Variants in NRXN1 observed in about 807,000 individuals in gnomAD.
NRXN1 encodes neurexin 1, also known as neurexin-1.
A neutral mutation model predicts 150.9 loss-of-function variants in NRXN1; 39 were observed. The ratio of observed to expected loss-of-function variants is 0.26; its 90% CI spans 0.20 to 0.34. The LOEUF (loss-of-function observed/expected upper bound fraction) is 0.34, where lower values mean the gene tolerates loss of function less well. Ranked by LOEUF, NRXN1 falls within the 10% of genes least tolerant of loss-of-function variation. NRXN1 has a pLI of 1.00. For missense variants in NRXN1, 1,815 were observed against 1,949.9 expected, an observed-to-expected ratio of 0.93 and a Z score of 1.30; for synonymous variants, 924 against 757.0, an observed-to-expected ratio of 1.22 and a Z score of -3.62.
intron 17 of NRXN1, among the ~76,000 whole-genome samples, chr2:50,364,011 G>A (rs1322772195): frequency 6.6e-6 from 1 of 152,088 alleles, no homozygotes; most frequent in Non-Finnish European, 1.5e-5. Flanking sequence ...AACACTGCAT[G>A]TTCTCACTCA....
rs1574657558 is a variant in NRXN1, at chr2:50,236,844, A to G, written c.3491T>C (p.Val1164Ala). Residue 1164 changes from valine to alanine, a missense_variant, in exon 18 of 23, where the codon GTA becomes GCA. Physicochemically the swap from Val to Ala is moderately conservative, Grantham distance 64. Coordinates refer to ENST00000401669, the MANE Select transcript of NRXN1 (RefSeq NM_001330078.2). ...TGAAGAACTGTCCACTCGCACCAAT[A>G]CGGCTTCTTTCTGAACAGTGCTAAA... ...IGFSTVQKEA[V>A]LVRVDSSSGL... The G allele has an allele frequency of 6.2e-7, 1 of 1,613,270 alleles. No homozygotes were observed. Among genetic ancestry groups the G allele is most frequent in the East Asian group, 2.2e-5 (1 of 44,728 alleles).
chr2:50,627,100 G>A (rs1008706599), intron 5 of NRXN1, among the ~76,000 whole-genome samples: 1 of 151,750 alleles, frequency 6.6e-6, no homozygotes, highest in African/African-American at 2.4e-5. Flanking sequence ...TCCACATTTT[G>A]CCAAGGCTAC....
intron 17 of NRXN1, among the ~76,000 whole-genome samples, chr2:50,272,643 G>A (rs2069851884): frequency 6.6e-6 from 1 of 151,964 alleles, no homozygotes; most frequent in South Asian, 2.1e-4. Context: ...ATAAAACTAT[G>A]GCATAAATAA....
At chr2:50,227,090 C>T (rs976579555) in intron 18 of NRXN1, among the ~76,000 whole-genome samples, 1 of 150,684 alleles carries the variant, frequency 6.6e-6, no homozygotes, top group Non-Finnish European at 1.5e-5. Flanking sequence ...AGTTTAAATA[C>T]TTTAACCTAA....
intron 11 of NRXN1, among the ~76,000 whole-genome samples, chr2:50,529,321 C>A (rs186091207): frequency 6.6e-6 from 1 of 152,146 alleles, no homozygotes; most frequent in Admixed American, 6.6e-5. Flanking sequence ...GGCACACAAG[C>A]CTATGCCTCT....
chr2:50,031,027 T>G (rs956501817), intron 21 of NRXN1, among the ~76,000 whole-genome samples: 1 of 152,026 alleles, frequency 6.6e-6, no homozygotes, highest in Non-Finnish European at 1.5e-5. Flanking sequence ...GGCTCATAAT[T>G]TTAAAGCACT....
At chr2:50,495,399 G>A (rs2091531034) in intron 15 of NRXN1, among the ~76,000 whole-genome samples, 1 of 118,620 alleles carries the variant, frequency 8.4e-6, no homozygotes, top group South Asian at 2.8e-4. Context: ...GTGTGTGTGT[G>A]TGTGTGTGTG....
At chr2:50,886,581 A>G (rs948084393) in intron 5 of NRXN1, among the ~76,000 whole-genome samples, 2 of 151,454 alleles carry the variant, frequency 1.3e-5, no homozygotes, top group Non-Finnish European at 3.0e-5. Flanking sequence ...TTTGAAGGCC[A>G]AAGGGAAGTT....
chr2:50,094,072 A>G (rs780462068), intron 18 of NRXN1, among the ~76,000 whole-genome samples: 17 of 152,228 alleles, frequency 1.1e-4, no homozygotes, highest in African/African-American at 1.7e-4. Flanking sequence ...GTATCAATCA[A>G]TGTATGTTTA....
intron 17 of NRXN1, among the ~76,000 whole-genome samples, chr2:50,285,429 C>A (rs934079082): frequency 5.3e-5 from 8 of 152,148 alleles, no homozygotes; most frequent in African/African-American, 1.7e-4. Context: ...ACCCCCCACA[C>A]ACACTCACTC....
chr2:49,974,303 A>C, intron 21 of NRXN1: 1 of 524,978 alleles, frequency 1.9e-6, no homozygotes, highest in Non-Finnish European at 3.6e-6. Context: ...CTGTTGGTAC[A>C]CAGCCCAGCC....
chr2:50,086,083 C>T (rs1036725246), intron 19 of NRXN1, among the ~76,000 whole-genome samples: 2 of 152,092 alleles, frequency 1.3e-5, no homozygotes, highest in Non-Finnish European at 2.9e-5. Context: ...AATAGAAGAA[C>T]GTTGAAGTTC....
intron 5 of NRXN1, among the ~76,000 whole-genome samples, chr2:50,842,891 C>G (rs1673079996): frequency 1.3e-5 from 2 of 152,056 alleles, no homozygotes; most frequent in Admixed American, 1.3e-4. Context: ...TGTAATTGTT[C>G]TAGTCTTAAG....
chr2:50,105,954 G>A (rs2152717359), intron 18 of NRXN1, among the ~76,000 whole-genome samples: 1 of 151,790 alleles, frequency 6.6e-6, no homozygotes, highest in African/African-American at 2.4e-5. Context: ...TATAAAATAT[G>A]AATTGATCCA....
chr2:50,624,503 A>T (rs758102143), intron 5 of NRXN1, among the ~76,000 whole-genome samples: 20 of 152,134 alleles, frequency 1.3e-4, no homozygotes, highest in Non-Finnish European at 2.1e-4. Context: ...CAATGAAGAG[A>T]CAAACAGTTT....
intron 5 of NRXN1, among the ~76,000 whole-genome samples, chr2:50,828,478 G>A (rs1274622370): frequency 1.3e-5 from 2 of 151,234 alleles, no homozygotes; most frequent in African/African-American, 2.4e-5. Flanking sequence ...CAGACGGGGC[G>A]GTTGCCAGGC....
chr2:50,543,554 G>C (rs896754357), intron 9 of NRXN1, among the ~76,000 whole-genome samples: 1 of 152,040 alleles, frequency 6.6e-6, no homozygotes, highest in South Asian at 2.1e-4. Flanking sequence ...GTGATAAGCA[G>C]ACAAGGTAAT....
chr2:50,220,379 T>G (rs1487705642), intron 18 of NRXN1, among the ~76,000 whole-genome samples: 1 of 151,862 alleles, frequency 6.6e-6, no homozygotes, highest in Admixed American at 6.6e-5. Flanking sequence ...CAGATCCTAG[T>G]TGATGATTAT....
chr2:50,630,737 A>G (rs1421363154), intron 5 of NRXN1, among the ~76,000 whole-genome samples: 1 of 151,810 alleles, frequency 6.6e-6, no homozygotes, highest in African/African-American at 2.4e-5. Flanking sequence ...TGTTCAACAT[A>G]AACCAGAAAC....
Sources: gnomAD v4.1 joint callset for allele counts (sites outside exome capture counted in the v4.1 genomes callset) on GRCh38, gnomAD v4.1.1 for gene constraint, MANE v1.5 for transcripts, NCBI Gene and HGNC (gene_info 2026-07-23, HGNC 2026-07-21) for gene names.